Variants in TPTE observed in about 807,000 individuals in gnomAD.
TPTE encodes putative tyrosine-protein phosphatase TPTE.
In TPTE, 59 loss-of-function variants were observed where a neutral mutation model predicts 84.1. That is an observed-to-expected ratio of 0.70 (90% CI 0.57 to 0.87). The LOEUF (loss-of-function observed/expected upper bound fraction) is 0.87, where lower values mean the gene tolerates loss of function less well. TPTE is among the 40% of genes least tolerant of loss of function. TPTE has a pLI of 0.00. For synonymous variants in TPTE, 130 were observed against 223.5 expected, an observed-to-expected ratio of 0.58 and a Z score of 3.73; for missense variants, 382 against 659.6, an observed-to-expected ratio of 0.58 and a Z score of 4.61.
intron 17 of TPTE, among the ~76,000 whole-genome samples, chr21:10,587,379 CT>C (rs2075385455): frequency 6.6e-6 from 1 of 152,308 alleles, no homozygotes; most frequent in Non-Finnish European, 1.5e-5. Flanking sequence ...TGCTGTGCCC[CT>C]TCTAGAACTC....
intron 3 of TPTE, among the ~76,000 whole-genome samples, 183 bp downstream of exon 3, chr21:10,527,595 G>A (rs1386980940): frequency 6.6e-6 from 1 of 152,312 alleles, no homozygotes; most frequent in Non-Finnish European, 1.5e-5. Context: ...GTAATTAGCA[G>A]CCAAAACCTT....
Position 10,530,096 on chromosome 21 carries a change from C to A in TPTE, c.-44+2684C>A, listed in dbSNP as rs543484096. Among the ~76,000 whole-genome samples, 7 of 152,414 alleles carry A rather than the reference C, an allele frequency of 4.6e-5. No individual in the cohort carries two copies. The South Asian group carries it at 1.0e-3, about 23-fold the overall frequency. On this transcript the variant is annotated intron_variant, in intron 3 of 23. Transcript: ENST00000618007. ...GATCTTTAAATGGTCTCATATTTGG[C>A]CAGTGGGACTCCCTAAAAGCTAGCC...
chr21:10,560,264 C>A (rs2074770823), intron 9 of TPTE, among the ~76,000 whole-genome samples: 1 of 152,302 alleles, frequency 6.6e-6, no homozygotes, highest in Non-Finnish European at 1.5e-5. Flanking sequence ...AAACAATTTA[C>A]TTAGACTCTT....
intron 10 of TPTE, among the ~76,000 whole-genome samples, chr21:10,564,696 A>G (rs888921346): frequency 2.6e-5 from 4 of 152,428 alleles, no homozygotes; most frequent in African/African-American, 9.6e-5. Context: ...ATGGTTCAAC[A>G]TTTGTAAATC....
Position 10,603,637 on chromosome 21 carries a change from G to C in TPTE, c.1520+5G>C. ...ATCTTTTATTGAAAATAACAGGTAT[G>C]AATATAATAGAAACCCATAGAAACA... On this transcript the variant is annotated splice_donor_5th_base_variant and intron_variant, in intron 23 of 23. Transcript: ENST00000618007. 3 of 1,610,708 alleles carry C rather than the reference G, an allele frequency of 1.9e-6. No homozygotes were observed. The highest frequency in any genetic ancestry group is 2.5e-6 in the Non-Finnish European group (3 of 1,177,486).
At chr21:10,557,280 T>C (rs1427677409) in intron 8 of TPTE, among the ~76,000 whole-genome samples, 3 of 152,306 alleles carry the variant, frequency 2.0e-5, no homozygotes, top group African/African-American at 7.2e-5. Context: ...GTCATAGTTA[T>C]TTCCCTGCAA....
In TPTE at chr21:10,566,326, A is replaced by T. The variant is rs537782280; in HGVS notation, c.447-1344A>T. On this transcript the variant is annotated intron_variant, in intron 10 of 23. Transcript: ENST00000618007. ...ATGAGATATCATCTCACCCCAGCTA[A>T]AATGGTTTATATCCAAAAGTCAGGC... is the stretch of plus-strand genomic sequence containing the variant. Among the ~76,000 whole-genome samples, 23 of 152,416 alleles carry T rather than the reference A, an allele frequency of 1.5e-4. No homozygotes were observed. In the South Asian group the frequency reaches 4.6e-3, roughly 30 times the overall value.
At chr21:10,539,381 T>G (rs1158426300) in intron 4 of TPTE, among the ~76,000 whole-genome samples, 4 of 152,308 alleles carry the variant, frequency 2.6e-5, no homozygotes, top group Non-Finnish European at 5.9e-5. Flanking sequence ...GGCCCACAGC[T>G]ACTTGCCTGT....
chr21:10,592,384 T>C lies in TPTE; in HGVS notation c.1170+11T>C. The C allele has an allele frequency of 6.2e-7, 1 of 1,611,580 alleles. No homozygotes were observed. ...AAAACTCCTTCTCAGGTAAGTTTTC[T>C]TTTTAAAAATGGGAGTTTTTTTAGG... On this transcript the variant is annotated intron_variant, in intron 19 of 23. Transcript: ENST00000618007.
At chr21:10,598,286 G>GT (rs1600984778) in intron 21 of TPTE, among the ~76,000 whole-genome samples, 192 bp downstream of exon 21, 1 of 152,310 alleles carries the variant, frequency 6.6e-6, no homozygotes, top group African/African-American at 2.4e-5. Context: ...GTTCAAAACA[G>GT]TTTTTTCAGG....
chr21:10,583,564 C>T (rs1600952091), intron 17 of TPTE, among the ~76,000 whole-genome samples: 1 of 152,308 alleles, frequency 6.6e-6, no homozygotes, highest in Admixed American at 6.5e-5. Context: ...TTTTGGTTAA[C>T]AGAAGTTCTT....
Position 10,543,336 on chromosome 21 carries a change from A to C in TPTE, c.127A>C (p.Thr43Pro), listed in dbSNP as rs191128347. The change falls in exon 7 of 24, where the codon ACA becomes CCA. Residue 43 changes from threonine to proline, a missense_variant. Thr to Pro is a conservative substitution (Grantham distance 38). This residue lies in a region of TPTE where 7 missense variants were observed against 19.0 expected (regional missense o/e 0.37). Coordinates refer to ENST00000618007, the MANE Select transcript of TPTE (RefSeq NM_199261.4). ...EEAPAKESPHTSEFKGAARVS... is the reference protein window; with the variant it reads ...EEAPAKESPHPSEFKGAARVS... ...TCTTTTATCATCCTCTAGCCCACAC[A>C]CAAGTGAATTTAAAGGAGCAGCCCG... The C allele has an allele frequency of 2.1e-3, 3,341 of 1,612,720 alleles. No individual in the cohort carries two copies. Among genetic ancestry groups the C allele is most frequent in the Non-Finnish European group, 2.6e-3 (3,076 of 1,178,680 alleles).
At chr21:10,558,884 ACAGGTTCTCCTTCC>A in intron 8 of TPTE, among the ~76,000 whole-genome samples, 1 of 152,300 alleles carries the variant, frequency 6.6e-6, no homozygotes, top group African/African-American at 2.4e-5. Flanking sequence ...GCTCCATCAA[ACAGGTTCTCCTTCC>A]TTTGATTAAT....
chr21:10,579,417 G>A (rs1350529290), intron 17 of TPTE, among the ~76,000 whole-genome samples: 1 of 152,308 alleles, frequency 6.6e-6, no homozygotes. Flanking sequence ...TTGAACCTGG[G>A]AGGCAGAGGT....
At chr21:10,551,469 A>AT (rs1224478850) in intron 7 of TPTE, among the ~76,000 whole-genome samples, 1 of 152,312 alleles carries the variant, frequency 6.6e-6, no homozygotes, top group Non-Finnish European at 1.5e-5. Flanking sequence ...AAATGCCTGG[A>AT]TCAAAAAAAC....
intron 14 of TPTE, among the ~76,000 whole-genome samples, chr21:10,571,426 C>A (rs2075040852): frequency 6.6e-6 from 1 of 152,306 alleles, no homozygotes; most frequent in African/African-American, 2.4e-5. Flanking sequence ...GTGCAAAAAT[C>A]AGTTTAGGGC....
chr21:10,551,507 C>T (rs1246120187), intron 7 of TPTE, among the ~76,000 whole-genome samples: 1 of 152,288 alleles, frequency 6.6e-6, no homozygotes, highest in African/African-American at 2.4e-5. Context: ...AACCACTGAA[C>T]AATTCTACCT....
rs1568783745 is a variant in TPTE, at chr21:10,598,016, TTATG to T, written c.1281_1284del (p.Arg429IlefsTer2). On this transcript the variant is annotated frameshift_variant and splice_region_variant, in exon 21 of 24. Coordinates refer to ENST00000618007, the MANE Select transcript of TPTE (RefSeq NM_199261.4). LOFTEE classifies it high-confidence loss of function. ...TTTAATTTCATTTTGTTGGAACAGG[TTATG>T]TACGTGATCTAAAAATCCAAATAGA... 1 of 1,613,730 alleles carries T rather than the reference TTATG, an allele frequency of 6.2e-7. No individual in the cohort carries two copies. Among genetic ancestry groups the T allele is most frequent in the Admixed American group, 1.7e-5 (1 of 60,008 alleles).
intron 8 of TPTE, among the ~76,000 whole-genome samples, chr21:10,556,909 ATTTG>A (rs2074695365): frequency 6.6e-6 from 1 of 152,306 alleles, no homozygotes; most frequent in Non-Finnish European, 1.5e-5. Context: ...TTTCTTGTAA[ATTTG>A]TTTGAGTTCT....
Sources: gnomAD v4.1 joint callset for allele counts (sites outside exome capture counted in the v4.1 genomes callset) on GRCh38, gnomAD v4.1.1 for gene constraint, gnomAD v4.1.1 regional missense constraint, MANE v1.5 for transcripts, NCBI Gene and HGNC (gene_info 2026-07-23, HGNC 2026-07-21) for gene names.